The following IQCJ variants were observed in gnomAD, a reference collection of about 807,000 sequenced individuals.
IQCJ encodes the protein IQ motif containing J, also known as IQ domain-containing protein J.
A neutral mutation model predicts 11.0 loss-of-function variants in IQCJ; 9 were observed. The observed-to-expected ratio is 0.82, with a 90% confidence interval of 0.49 to 1.43. IQCJ has a LOEUF of 1.43. IQCJ is among the 40% of genes most tolerant of loss of function. The probability of loss-of-function intolerance (pLI) is 0.00; values close to 1 mark genes in which losing one functional copy is unlikely to be tolerated. For missense variants in IQCJ, 146 were observed against 133.2 expected, an observed-to-expected ratio of 1.10 and a Z score of -0.47; for synonymous variants, 55 against 51.3, an observed-to-expected ratio of 1.07 and a Z score of -0.31.
At chr3:159,118,424 C>A (rs1719157527) in intron 1 of IQCJ, among the ~76,000 whole-genome samples, 1 of 152,200 alleles carries the variant, frequency 6.6e-6, no homozygotes, top group Non-Finnish European at 1.5e-5. Context: ...TGACCCCAAT[C>A]AATATTTATG....
intron 1 of IQCJ, among the ~76,000 whole-genome samples, chr3:159,183,836 C>T (rs1723233862): frequency 6.6e-6 from 1 of 152,050 alleles, no homozygotes; most frequent in Admixed American, 6.6e-5. Flanking sequence ...TCTCCATATC[C>T]ACTATCCCCT....
chr3:159,075,638 A>T (rs547867096), intron 1 of IQCJ, among the ~76,000 whole-genome samples: 2 of 151,388 alleles, frequency 1.3e-5, no homozygotes, highest in East Asian at 3.9e-4. Context: ...TGATTTCATT[A>T]AAAAAAATGA....
intron 1 of IQCJ, among the ~76,000 whole-genome samples, chr3:159,108,019 A>AAG (rs1401592289): frequency 6.6e-6 from 1 of 151,244 alleles, no homozygotes; most frequent in Non-Finnish European, 1.5e-5. Flanking sequence ...AAAAAAAAAA[A>AAG]AAAAAAGAAA....
intron 1 of IQCJ, among the ~76,000 whole-genome samples, chr3:159,107,779 C>A (rs1286667726): frequency 1.3e-5 from 2 of 152,018 alleles, no homozygotes; most frequent in Non-Finnish European, 2.9e-5. Flanking sequence ...AAAAATCAAG[C>A]ATCTAGTAAG....
intron 3 of IQCJ, among the ~76,000 whole-genome samples, chr3:159,261,712 AC>A (rs1294211835): frequency 6.6e-6 from 1 of 152,178 alleles, no homozygotes; most frequent in Non-Finnish European, 1.5e-5. Flanking sequence ...GGACTAATAC[AC>A]AGTCCATGGG....
intron 1 of IQCJ, among the ~76,000 whole-genome samples, chr3:159,223,319 C>A (rs1192816356): frequency 6.6e-6 from 1 of 151,770 alleles, no homozygotes; most frequent in Non-Finnish European, 1.5e-5. Context: ...CGGCCATATG[C>A]AATTATATAG....
chr3:159,243,976 A>T (rs1335452145), intron 1 of IQCJ, among the ~76,000 whole-genome samples: 1 of 152,230 alleles, frequency 6.6e-6, no homozygotes, highest in Non-Finnish European at 1.5e-5. Flanking sequence ...AGAGGAAGAA[A>T]TGAGTAAAGT....
rs544251799 is a variant in IQCJ, at chr3:159,186,510, C to T, written c.10-59333C>T. Among the ~76,000 whole-genome samples, 4 of 152,226 alleles carry T rather than the reference C, an allele frequency of 2.6e-5. No individual in the cohort carries two copies. In the South Asian group the frequency reaches 8.3e-4, roughly 32 times the overall value. On this transcript the variant is annotated intron_variant, in intron 1 of 3. Transcript: ENST00000397832. ...CATTGTGGAAGACTAATTTGAACCCCTTATGCATCTGTTATTCAGAATCAG... is the reference window on the plus strand; with the variant it reads ...CATTGTGGAAGACTAATTTGAACCCTTTATGCATCTGTTATTCAGAATCAG...
intron 1 of IQCJ, among the ~76,000 whole-genome samples, chr3:159,172,233 A>G (rs1722517814): frequency 1.3e-5 from 2 of 152,196 alleles, no homozygotes; most frequent in Non-Finnish European, 2.9e-5. Context: ...ATCATGGGAT[A>G]TCCCCATAAT....
chr3:159,241,332 C>T (rs1360167993), intron 1 of IQCJ, among the ~76,000 whole-genome samples: 2 of 151,972 alleles, frequency 1.3e-5, no homozygotes, highest in Non-Finnish European at 2.9e-5. Flanking sequence ...TCACATGATC[C>T]TGGGAGGTGG....
At chr3:159,071,332 A>C (rs925932602) in intron 1 of IQCJ, among the ~76,000 whole-genome samples, 2 of 151,974 alleles carry the variant, frequency 1.3e-5, no homozygotes, top group African/African-American at 4.8e-5. Context: ...TCTGTGTGTA[A>C]CTGATTTCTA....
intron 1 of IQCJ, among the ~76,000 whole-genome samples, chr3:159,111,965 A>G (rs1718661928): frequency 6.6e-6 from 1 of 151,970 alleles, no homozygotes; most frequent in African/African-American, 2.4e-5. Flanking sequence ...TTTCCCCGCA[A>G]TTGTCTGAAA....
chr3:159,128,827 C>T (rs1719826916), intron 1 of IQCJ, among the ~76,000 whole-genome samples: 1 of 152,162 alleles, frequency 6.6e-6, no homozygotes, highest in African/African-American at 2.4e-5. Flanking sequence ...TTTTTCTACC[C>T]AAGTCTTGCA....
intron 1 of IQCJ, among the ~76,000 whole-genome samples, chr3:159,164,881 A>G (rs1722076459): frequency 2.0e-5 from 3 of 152,214 alleles, no homozygotes; most frequent in African/African-American, 7.2e-5. Flanking sequence ...GTATACCATG[A>G]TTAAGCATTT....
intron 1 of IQCJ, among the ~76,000 whole-genome samples, chr3:159,185,975 C>T (rs1022195875): frequency 6.6e-6 from 1 of 152,158 alleles, no homozygotes; most frequent in Non-Finnish European, 1.5e-5. Flanking sequence ...GAATTAGACT[C>T]CAACTTTTGA....
chr3:159,259,356 C>A (rs905298249), intron 3 of IQCJ, among the ~76,000 whole-genome samples: 1 of 152,108 alleles, frequency 6.6e-6, no homozygotes, highest in Non-Finnish European at 1.5e-5. Context: ...GAGCACACAA[C>A]ATGTGCTTTC....
chr3:159,152,656 C>T (rs1197608640), intron 1 of IQCJ, among the ~76,000 whole-genome samples: 1 of 152,098 alleles, frequency 6.6e-6, no homozygotes, highest in Non-Finnish European at 1.5e-5. Context: ...ACTTACTATG[C>T]CTAGGTTATT....
At chr3:159,109,057 T>A (rs913542099) in intron 1 of IQCJ, among the ~76,000 whole-genome samples, 10 of 152,160 alleles carry the variant, frequency 6.6e-5, no homozygotes, top group African/African-American at 2.4e-4. Flanking sequence ...TGCTCTCAAT[T>A]TACCAATGAC....
At chr3:159,216,107 T>C (rs1406851699) in intron 1 of IQCJ, among the ~76,000 whole-genome samples, 2 of 137,838 alleles carry the variant, frequency 1.5e-5, no homozygotes. Flanking sequence ...GGTGGGTGGA[T>C]GGAGAGAGAG....
Sources: allele counts gnomAD v4.1 joint callset (sites outside exome capture counted in the v4.1 genomes callset), GRCh38; gene constraint gnomAD v4.1.1; transcripts MANE v1.5; gene names NCBI Gene and HGNC (gene_info 2026-07-23, HGNC 2026-07-21).